The following TCTN2 variants were observed in gnomAD, a reference collection of about 807,000 sequenced individuals.
TCTN2 encodes the protein tectonic family member 2, also known as tectonic-2.
In TCTN2, 66 loss-of-function variants were observed where a neutral mutation model predicts 83.4. The observed-to-expected ratio is 0.79, with a 90% CI of 0.65 to 0.97. The LOEUF (loss-of-function observed/expected upper bound fraction) is 0.97. Among genes scored for constraint, TCTN2 ranks in the 50% least tolerant of loss-of-function variants. The pLI is 0.00. For synonymous variants in TCTN2, 301 were observed against 326.7 expected (o/e 0.92, Z 0.85); for missense variants, 794 against 858.1 (o/e 0.93, Z 0.93).
intron 13 of TCTN2, among the ~76,000 whole-genome samples, chr12:123,699,417 A>G (rs762342593): frequency 6.6e-6 from 1 of 152,128 alleles, no homozygotes; most frequent in Non-Finnish European, 1.5e-5. Flanking sequence ...AGCCTCCCAA[A>G]GGGTTGGGAT....
chr12:123,689,528 T>C (rs1956016735), intron 7 of TCTN2, among the ~76,000 whole-genome samples: 1 of 152,118 alleles, frequency 6.6e-6, no homozygotes, highest in Non-Finnish European at 1.5e-5. Flanking sequence ...TATTTTTATT[T>C]TAGGTTCAGG....
intron 14 of TCTN2, among the ~76,000 whole-genome samples, chr12:123,702,961 C>T (rs924719245): frequency 6.6e-6 from 1 of 152,154 alleles, no homozygotes; most frequent in Non-Finnish European, 1.5e-5. Flanking sequence ...CCTGAAGGAG[C>T]AAAGAACCCC....
In TCTN2 at chr12:123,672,111, C is replaced by T. The variant is rs552719113; in HGVS notation, c.246C>T (p.Ser82=). The T allele has an allele frequency of 4.3e-5, 69 of 1,614,130 alleles. No homozygotes were observed. In the South Asian group the frequency reaches 6.7e-4, roughly 16 times the overall value. The change falls in exon 3 of 18, where the codon AGC becomes AGT. Residue 82 remains serine (S), a synonymous_variant. Transcript: ENST00000303372. ...GVLNNETEDW[S]VTVIPGAKVL... ...TGAACAATGAGACGGAAGACTGGAG[C>T]GTGACTGTGATCCCCGGTGCGGTAA...
chr12:123,696,518 AT>A, intron 12 of TCTN2, 23 bp downstream of exon 12: 1 of 1,603,112 alleles, frequency 6.2e-7, no homozygotes, highest in South Asian at 1.1e-5. Context: ...GGTCATTATG[AT>A]TAGCCCTTTG....
chr12:123,672,506 C>T lies in TCTN2; in HGVS notation c.267+374C>T, dbSNP rs141986228. ...CTCATAGCGCTTTGGGAGATTGAGG[C>T]GGGAGGATTGCTTGAGCCCAGGAGT... is the stretch of plus-strand genomic sequence containing the variant. On this transcript the variant is annotated intron_variant, in intron 3 of 17. Transcript: ENST00000303372. Among the ~76,000 whole-genome samples, 986 of 151,420 alleles carry T rather than the reference C, an allele frequency of 6.5e-3. 9 individuals are homozygous for T. The highest frequency in any genetic ancestry group is 0.022 in the African/African-American group (910 of 41,274).
intron 5 of TCTN2, among the ~76,000 whole-genome samples, chr12:123,680,826 T>G (rs545709510): frequency 1.5e-4 from 23 of 151,928 alleles, no homozygotes; most frequent in Non-Finnish European, 2.9e-4. Context: ...CTAAATTCAG[T>G]ATTTTCTTAT....
intron 4 of TCTN2, among the ~76,000 whole-genome samples, chr12:123,674,745 G>A (rs552859350): frequency 6.6e-6 from 1 of 152,318 alleles, no homozygotes; most frequent in East Asian, 1.9e-4. Flanking sequence ...ATTTTAAAAA[G>A]CTGGGCATGA....
chr12:123,690,447 GA>G, intron 7 of TCTN2, 85 bp from the exon 8 acceptor site: 2 of 1,590,102 alleles, frequency 1.3e-6, no homozygotes, highest in South Asian at 2.2e-5. Context: ...GCAGGCTGCA[GA>G]AAGACCAGTT....
chr12:123,690,328 C>G (rs539145431), intron 7 of TCTN2, among the ~76,000 whole-genome samples: 1 of 152,146 alleles, frequency 6.6e-6, no homozygotes, highest in Admixed American at 6.6e-5. Context: ...ACTGTGACTC[C>G]ACAACCAGTG....
At position 123,690,694 on chromosome 12, in the gene TCTN2, A is replaced by G; in HGVS notation, c.1033+20A>G. The G allele has an allele frequency of 6.2e-7, 1 of 1,613,664 alleles. No individual in the cohort carries two copies. The highest frequency in any genetic ancestry group is 2.2e-5 in the East Asian group (1 of 44,884). On this transcript the variant is annotated intron_variant, in intron 8 of 17. Transcript: ENST00000303372. Reference sequence around the variant, plus strand: ...TAGGAGGTATGTTACATTTCTTTGAAAAAAGAACACAGGCCCAAACATGAA... The same window carrying G: ...TAGGAGGTATGTTACATTTCTTTGAGAAAAGAACACAGGCCCAAACATGAA...
chr12:123,687,355 G>T (rs1198347129), intron 6 of TCTN2, among the ~76,000 whole-genome samples: 1 of 152,108 alleles, frequency 6.6e-6, no homozygotes, highest in Non-Finnish European at 1.5e-5. Context: ...TTACATCTAT[G>T]ATTTTTGTAA....
intron 5 of TCTN2, among the ~76,000 whole-genome samples, chr12:123,680,352 CAA>C (rs550243428): frequency 9.2e-6 from 1 of 109,064 alleles, no homozygotes; most frequent in Non-Finnish European, 1.9e-5. Context: ...AACTCCGTTT[CAA>C]AAAAAAAAAA....
chr12:123,687,305 T>C (rs1955984059), intron 6 of TCTN2, among the ~76,000 whole-genome samples: 1 of 152,178 alleles, frequency 6.6e-6, no homozygotes, highest in Non-Finnish European at 1.5e-5. Context: ...CATGGGAGAT[T>C]TTAATGTTCT....
intron 3 of TCTN2, among the ~76,000 whole-genome samples, chr12:123,672,575 C>T (rs1016041363): frequency 6.7e-6 from 1 of 150,166 alleles, no homozygotes; most frequent in African/African-American, 2.5e-5. Context: ...CTCTACAAAA[C>T]AATTAAAAAA....
intron 15 of TCTN2, among the ~76,000 whole-genome samples, chr12:123,705,245 C>T (rs112724902): frequency 6.6e-6 from 1 of 150,884 alleles, no homozygotes; most frequent in Middle Eastern, 3.4e-3. Flanking sequence ...TCACTGCAAC[C>T]TCCAACTCTC....
chr12:123,680,123 T>C (rs1283873473), intron 5 of TCTN2, among the ~76,000 whole-genome samples: 3 of 151,768 alleles, frequency 2.0e-5, no homozygotes, highest in Admixed American at 6.6e-5. Flanking sequence ...GTGGCCAAGG[T>C]GGGCGGATCA....
At position 123,671,311 on chromosome 12, in the gene TCTN2, G is replaced by A. The variant is rs1239596155; in HGVS notation, c.71G>A (p.Trp24Ter). ...CTGCAGGGCATCCTGAGGCTTCTGTGGGGGGACCTGGGTGTGTACGGCGCG... is the reference window on the plus strand; with the variant it reads ...CTGCAGGGCATCCTGAGGCTTCTGTAGGGGGACCTGGGTGTGTACGGCGCG... Reference protein sequence around the residue: ...FLLQGILRLLWGDLAFIPPFI... With the variant: ...FLLQGILRLL The change falls in exon 1 of 18, where the codon TGG (tryptophan) becomes TAG (stop). Residue 24 changes from tryptophan to a stop codon, truncating the protein, a stop_gained. Coordinates refer to ENST00000303372, the MANE Select transcript of TCTN2 (RefSeq NM_024809.5). LOFTEE classifies it high-confidence loss of function. 1 of 1,613,602 alleles carries A rather than the reference G, an allele frequency of 6.2e-7. No individual in the cohort carries two copies. The highest frequency in any genetic ancestry group is 8.5e-7 in the Non-Finnish European group (1 of 1,179,896).
At chr12:123,687,424 G>T (rs1411727969) in intron 6 of TCTN2, among the ~76,000 whole-genome samples, 2 of 152,178 alleles carry the variant, frequency 1.3e-5, no homozygotes, top group Admixed American at 1.3e-4. Flanking sequence ...TTGGGAGGCC[G>T]AGGCGGGCAG....
At chr12:123,681,140 G>A (rs1955894613) in intron 5 of TCTN2, among the ~76,000 whole-genome samples, 1 of 151,826 alleles carries the variant, frequency 6.6e-6, no homozygotes, top group African/African-American at 2.4e-5. Context: ...CAGGCCTGTA[G>A]TGCCAGCTCG....
Sources: allele counts gnomAD v4.1 joint callset (sites outside exome capture counted in the v4.1 genomes callset), GRCh38; gene constraint gnomAD v4.1.1; transcripts MANE v1.5; gene names NCBI Gene and HGNC (gene_info 2026-07-23, HGNC 2026-07-21).